Variants in DOK6 observed in about 807,000 individuals in gnomAD.
The protein encoded by DOK6 is docking protein 6.
DOK6 carries 22 observed loss-of-function variants against 44.0 expected under a neutral mutation model. The observed-to-expected ratio is 0.50, with a 90% CI of 0.36 to 0.71. DOK6 has a LOEUF of 0.71. DOK6 is among the 30% of genes least tolerant of loss of function. DOK6 has a pLI of 0.00. For synonymous variants in DOK6, 166 were observed against 145.5 expected (o/e 1.14, Z -1.01); for missense variants, 340 against 416.4 (o/e 0.82, Z 1.60).
intron 3 of DOK6, among the ~76,000 whole-genome samples, chr18:69,658,231 C>G (rs976379238): frequency 6.6e-6 from 1 of 151,896 alleles, no homozygotes; most frequent in African/African-American, 2.4e-5. Flanking sequence ...GGAATACAAG[C>G]GTTAAGCCAC....
At chr18:69,539,061 T>C (rs1017133795) in intron 1 of DOK6, among the ~76,000 whole-genome samples, 4 of 152,206 alleles carry the variant, frequency 2.6e-5, no homozygotes, top group African/African-American at 7.2e-5. Flanking sequence ...CAGCTGTTAT[T>C]ATAATAGAAG....
rs145788919 is a variant in DOK6 at position 69,552,387 on chromosome 18, T to C, written c.67-12100T>C. On this transcript the variant is annotated intron_variant, in intron 1 of 7. Transcript: ENST00000382713. ...ATTATACTAAATATTCTATATTAAA[T>C]TTATATTATCTATGTTTGCTCTATA... Among the ~76,000 whole-genome samples the C allele has an allele frequency of 6.0e-4, 91 of 152,112 alleles. 2 individuals carry two copies. The highest frequency in any genetic ancestry group is 2.0e-3 in the African/African-American group (85 of 41,552).
chr18:69,629,558 G>A (rs1251137295), intron 3 of DOK6, among the ~76,000 whole-genome samples: 2 of 152,038 alleles, frequency 1.3e-5, no homozygotes, highest in African/African-American at 2.4e-5. Flanking sequence ...CTTTAGAAGT[G>A]GAATAAAAGC....
At chr18:69,658,210 T>C (rs2144669086) in intron 3 of DOK6, among the ~76,000 whole-genome samples, 1 of 152,014 alleles carries the variant, frequency 6.6e-6, no homozygotes, top group Non-Finnish European at 1.5e-5. Context: ...CCCCTGACTC[T>C]CAGAGAGCTG....
At chr18:69,708,783 C>CA (rs376287840) in intron 5 of DOK6, among the ~76,000 whole-genome samples, 2,432 of 79,100 alleles carry the variant, frequency 0.031, 63 homozygotes, top group Admixed American at 0.1. Flanking sequence ...AAATCCGTCT[C>CA]AAAAAAAAAA....
chr18:69,511,674 G>A (rs113055646), intron 1 of DOK6, among the ~76,000 whole-genome samples: 2 of 152,014 alleles, frequency 1.3e-5, no homozygotes, highest in Non-Finnish European at 2.9e-5. Flanking sequence ...TCTCCTTAAC[G>A]GTTATTACAG....
At chr18:69,732,448 G>A (rs1011815600) in intron 5 of DOK6, among the ~76,000 whole-genome samples, 11 of 151,980 alleles carry the variant, frequency 7.2e-5, no homozygotes, top group African/African-American at 2.4e-4. Context: ...TACATGGTGG[G>A]TTTTTTTGAT....
intron 1 of DOK6, among the ~76,000 whole-genome samples, chr18:69,534,138 G>A (rs996513900): frequency 1.3e-5 from 2 of 152,208 alleles, no homozygotes; most frequent in Admixed American, 6.5e-5. Flanking sequence ...CAAATGGAAG[G>A]CTAGTAACTT....
intron 7 of DOK6, among the ~76,000 whole-genome samples, chr18:69,836,191 A>G (rs1033380137): frequency 1.3e-5 from 2 of 152,084 alleles, no homozygotes; most frequent in African/African-American, 2.4e-5. Context: ...TGCTCCTTCT[A>G]GTTCATTACT....
chr18:69,621,543 G>A (rs1364634812), intron 3 of DOK6, among the ~76,000 whole-genome samples: 1 of 152,144 alleles, frequency 6.6e-6, no homozygotes, highest in Non-Finnish European at 1.5e-5. Context: ...GACTTTGCAA[G>A]GAAGTGATTC....
chr18:69,576,548 G>A (rs1185185295), intron 2 of DOK6, among the ~76,000 whole-genome samples: 1 of 152,080 alleles, frequency 6.6e-6, no homozygotes, highest in African/African-American at 2.4e-5. Flanking sequence ...CATATTATAA[G>A]CTTATGAGTA....
chr18:69,630,190 C>T (rs1175069169), intron 3 of DOK6, among the ~76,000 whole-genome samples: 3 of 152,150 alleles, frequency 2.0e-5, no homozygotes, highest in Non-Finnish European at 4.4e-5. Flanking sequence ...CACATAGTCA[C>T]CTGGCATGTG....
intron 1 of DOK6, among the ~76,000 whole-genome samples, chr18:69,476,472 G>C (rs1054709054): frequency 2.6e-5 from 4 of 151,680 alleles, no homozygotes; most frequent in Non-Finnish European, 4.4e-5. Flanking sequence ...ATCGTCACTT[G>C]ATCAGTCAGA....
chr18:69,549,378 A>G (rs1982500824), intron 1 of DOK6, among the ~76,000 whole-genome samples: 1 of 151,464 alleles, frequency 6.6e-6, no homozygotes, highest in African/African-American at 2.4e-5. Context: ...TTAAATTAGT[A>G]GTTGTAGGAT....
At chr18:69,783,644 A>C (rs1167092483) in intron 7 of DOK6, among the ~76,000 whole-genome samples, 2 of 152,142 alleles carry the variant, frequency 1.3e-5, no homozygotes, top group Non-Finnish European at 2.9e-5. Flanking sequence ...TATTTTCTAA[A>C]ATCACTTTGG....
chr18:69,652,761 G>A (rs62089948), intron 3 of DOK6, among the ~76,000 whole-genome samples: 31,252 of 151,940 alleles, frequency 0.21, 3,332 homozygotes, highest in Non-Finnish European at 0.22. Flanking sequence ...TTCAAGCAGC[G>A]TACATACAGC....
At chr18:69,429,616 GATACATATATATATATATATATAT>G (rs1568254522) in intron 1 of DOK6, among the ~76,000 whole-genome samples, 2 of 78,148 alleles carry the variant, frequency 2.6e-5, no homozygotes, top group African/African-American at 4.5e-5. Context: ...AATATTGAGG[GATACATATATATATATATATATAT>G]ATATATATAT....
chr18:69,809,239 C>A (rs1269053873), intron 7 of DOK6, among the ~76,000 whole-genome samples: 4 of 151,628 alleles, frequency 2.6e-5, no homozygotes, highest in Admixed American at 6.6e-5. Context: ...AAGCATTGGA[C>A]AAAATTCAAC....
intron 3 of DOK6, among the ~76,000 whole-genome samples, chr18:69,607,283 G>T (rs1984025081): frequency 6.6e-6 from 1 of 152,182 alleles, no homozygotes; most frequent in Admixed American, 6.5e-5. Context: ...AACTCATAAA[G>T]AAGGAATATG....
Sources: allele counts gnomAD v4.1 joint callset (sites outside exome capture counted in the v4.1 genomes callset), GRCh38; gene constraint gnomAD v4.1.1; transcripts MANE v1.5; gene names NCBI Gene and HGNC (gene_info 2026-07-23, HGNC 2026-07-21).